Variants in CRACR2A observed in about 807,000 individuals in gnomAD.
CRACR2A encodes the protein EF-hand calcium-binding domain-containing protein 4B.
A neutral mutation model predicts 90.5 loss-of-function variants in CRACR2A; 79 were observed. The observed-to-expected ratio is 0.87, with a 90% confidence interval of 0.73 to 1.05. The LOEUF is 1.05. Ranked by LOEUF, CRACR2A falls within the 50% of genes least tolerant of loss-of-function variation. The pLI, the probability that CRACR2A is intolerant of heterozygous loss-of-function variation, is 0.00. For synonymous variants in CRACR2A, 338 were observed against 356.7 expected (o/e 0.95, Z 0.59); for missense variants, 823 against 897.2 (o/e 0.92, Z 1.06).
At chr12:3,659,932 T>C (rs1944997841) in intron 7 of CRACR2A, among the ~76,000 whole-genome samples, 2 of 152,232 alleles carry the variant, frequency 1.3e-5, no homozygotes, top group African/African-American at 4.8e-5. Flanking sequence ...AGATGATCCC[T>C]ATGCTCCTCG....
At chr12:3,660,787 T>A (rs1245914366) in intron 7 of CRACR2A, among the ~76,000 whole-genome samples, 1 of 151,618 alleles carries the variant, frequency 6.6e-6, no homozygotes, top group Non-Finnish European at 1.5e-5. Context: ...TCAGGCTCTG[T>A]GAACAGGCTA....
At chr12:3,743,253 T>A (rs1946557029) in intron 1 of CRACR2A, among the ~76,000 whole-genome samples, 2 of 152,270 alleles carry the variant, frequency 1.3e-5, no homozygotes, top group East Asian at 3.8e-4. Context: ...TCATTTTACC[T>A]GGCAGTTCCT....
In CRACR2A at chr12:3,713,315, C is replaced by T; in HGVS notation, c.-115G>A. ...CTTTGGCCACTGGTGACTTGAATTCCACCTAGGAAACACACAAGAGATGAA... is the reference window on the plus strand; with the variant it reads ...CTTTGGCCACTGGTGACTTGAATTCTACCTAGGAAACACACAAGAGATGAA... On this transcript the variant is annotated splice_region_variant and 5_prime_UTR_variant, in exon 3 of 20. Transcript: ENST00000440314. The T allele has an allele frequency of 1.0e-6, 1 of 985,156 alleles. No individual in the cohort carries two copies. The highest frequency in any genetic ancestry group is 4.7e-5 in the South Asian group (1 of 21,284). The allele number at this position is 985,156 out of a possible 1,614,324, so 61.0% of individuals were successfully genotyped here.
chr12:3,660,119 C>T (rs1565478888), intron 7 of CRACR2A, among the ~76,000 whole-genome samples: 1 of 152,156 alleles, frequency 6.6e-6, no homozygotes, highest in Non-Finnish European at 1.5e-5. Context: ...TCCCTGTTTG[C>T]ATGCTTTCTC....
At chr12:3,687,405 G>A (rs886631368) in intron 4 of CRACR2A, among the ~76,000 whole-genome samples, 1 of 152,012 alleles carries the variant, frequency 6.6e-6, no homozygotes, top group Non-Finnish European at 1.5e-5. Flanking sequence ...GTGTCCATGT[G>A]TTCTCATCCT....
intron 3 of CRACR2A, among the ~76,000 whole-genome samples, chr12:3,700,841 A>G (rs1027861479): frequency 6.6e-6 from 1 of 152,248 alleles, no homozygotes; most frequent in Non-Finnish European, 1.5e-5. Context: ...AGATGATTTG[A>G]ATACTATCAA....
At chr12:3,616,706 A>G (rs1473695312) in intron 19 of CRACR2A, among the ~76,000 whole-genome samples, 1 of 152,240 alleles carries the variant, frequency 6.6e-6, no homozygotes, top group Non-Finnish European at 1.5e-5. Flanking sequence ...GACTAAGAAG[A>G]AGACTGCAAT....
At chr12:3,650,401 A>G (rs556960512) in intron 10 of CRACR2A, among the ~76,000 whole-genome samples, 3 of 152,360 alleles carry the variant, frequency 2.0e-5, no homozygotes, top group Admixed American at 6.5e-5. Flanking sequence ...GACAATTCCA[A>G]TTGAGCAACA....
In CRACR2A at chr12:3,615,396, G is replaced by A. The variant is rs1234492305; in HGVS notation, c.2155C>T (p.Gln719Ter). 1 of 1,551,558 alleles carries A rather than the reference G, an allele frequency of 6.4e-7. No individual in the cohort carries two copies. The highest frequency in any genetic ancestry group is 1.2e-5 in the South Asian group (1 of 84,042). The change falls in exon 20 of 20, where the codon CAG becomes TAG. Residue 719 changes from glutamine (Q) to a stop codon, truncating the protein, a stop_gained. Transcript: ENST00000440314. LOFTEE classifies it high-confidence loss of function. ...TTCTTCTTAGCAGGGTGGCCGACCT[G>A]AATGGTGTCCTCTCTCACTGTGTCT... ...QEDTVREDTI[Q>*]VGHPAKKKSC...
At chr12:3,637,437 T>C (rs187812441) in intron 14 of CRACR2A, among the ~76,000 whole-genome samples, 16 of 152,266 alleles carry the variant, frequency 1.1e-4, no homozygotes, top group Admixed American at 2.6e-4. Flanking sequence ...TGATGAGGTT[T>C]CTCTTCAAAT....
At chr12:3,660,189 C>T (rs1945003630) in intron 7 of CRACR2A, among the ~76,000 whole-genome samples, 1 of 152,286 alleles carries the variant, frequency 6.6e-6, no homozygotes, top group South Asian at 2.1e-4. Flanking sequence ...TCCCTGTATG[C>T]CTGAGTTTGT....
intron 2 of CRACR2A, among the ~76,000 whole-genome samples, chr12:3,715,285 G>A (rs984987532): frequency 3.3e-5 from 5 of 152,214 alleles, no homozygotes; most frequent in African/African-American, 1.2e-4. Flanking sequence ...TAGTATGAGA[G>A]GGAGCTAATT....
At chr12:3,745,225 C>G (rs552717137) in intron 1 of CRACR2A, among the ~76,000 whole-genome samples, 7 of 152,078 alleles carry the variant, frequency 4.6e-5, no homozygotes, top group African/African-American at 1.4e-4. Flanking sequence ...AAAAAGCTAC[C>G]GCAGGCCATG....
chr12:3,675,063 C>T (rs1945314237), intron 6 of CRACR2A, among the ~76,000 whole-genome samples: 1 of 152,160 alleles, frequency 6.6e-6, no homozygotes. Flanking sequence ...TATGCCTATA[C>T]TTCTCTTGAG....
intron 3 of CRACR2A, among the ~76,000 whole-genome samples, chr12:3,697,384 G>A (rs897197383): frequency 5.3e-5 from 8 of 152,068 alleles, no homozygotes; most frequent in East Asian, 1.9e-4. Context: ...TTTATAGAGC[G>A]TTTACTTAGA....
chr12:3,742,256 T>C (rs1260294241), intron 1 of CRACR2A, among the ~76,000 whole-genome samples: 1 of 152,238 alleles, frequency 6.6e-6, no homozygotes, highest in Non-Finnish European at 1.5e-5. Context: ...CGGTTTTGGT[T>C]GGCTTTTCCT....
At chr12:3,653,899 T>A (rs1319167685) in intron 10 of CRACR2A, among the ~76,000 whole-genome samples, 1 of 152,224 alleles carries the variant, frequency 6.6e-6, no homozygotes, top group Non-Finnish European at 1.5e-5. Flanking sequence ...TATATAGTCA[T>A]AAAGTAACAT....
chr12:3,662,642 G>C (rs1415240226), intron 7 of CRACR2A, among the ~76,000 whole-genome samples: 2 of 152,212 alleles, frequency 1.3e-5, no homozygotes, highest in African/African-American at 4.8e-5. Context: ...GTTTGGAAAG[G>C]CTGATGCAAT....
intron 1 of CRACR2A, among the ~76,000 whole-genome samples, chr12:3,735,619 T>C (rs981683651): frequency 5.9e-5 from 9 of 152,142 alleles, no homozygotes; most frequent in African/African-American, 1.7e-4. Flanking sequence ...TATGGATCAG[T>C]AAACTGAGGC....
Sources: allele counts gnomAD v4.1 joint callset (sites outside exome capture counted in the v4.1 genomes callset), GRCh38; gene constraint gnomAD v4.1.1; transcripts MANE v1.5; gene names NCBI Gene and HGNC (gene_info 2026-07-23, HGNC 2026-07-21).